TAF8: variants seen among roughly 807,000 people sequenced by gnomAD.
The protein encoded by TAF8 is transcription initiation factor TFIID subunit 8.
A neutral mutation model predicts 36.5 loss-of-function variants in TAF8; 47 were observed. The observed-to-expected ratio is 1.29, with a 90% CI of 1.02 to 1.64. The LOEUF (loss-of-function observed/expected upper bound fraction) is 1.64. Ranked by LOEUF, TAF8 falls within the 40% of genes most tolerant of loss-of-function variation. TAF8 has a pLI of 0.00. For missense variants in TAF8, 420 were observed against 407.6 expected (o/e 1.03, Z -0.26); for synonymous variants, 175 against 159.5 (o/e 1.10, Z -0.73).
rs1765933049 is a variant in TAF8, at chr6:42,081,746, A to T, written c.*4201A>T. The T allele has an allele frequency of 6.6e-6, 1 of 151,696 alleles. No individual in the cohort carries two copies. The highest frequency in any genetic ancestry group is 2.4e-5 in the African/African-American group (1 of 41,232). 9.4% of individuals were successfully genotyped at this position (151,696 alleles called of 1,614,324 possible). A position where few individuals can be genotyped will look rare whatever the true frequency, so the allele number is the denominator to read the frequency against. On this transcript the variant is annotated 3_prime_UTR_variant, in exon 9 of 9. Coordinates refer to ENST00000372977, the MANE Select transcript of TAF8 (RefSeq NM_138572.3). The stretch of plus-strand genomic sequence containing the variant: ...GGTCTCCAACTCCTGACCTCAGGTG[A>T]TCACCTGCCTCAGCCTCCTAAAGTG...
At chr6:42,087,337 T>C (rs1766045663), downstream of TAF8, 1 of 141,404 alleles carries the variant, frequency 7.1e-6, no homozygotes, top group Non-Finnish European at 1.5e-5. Flanking sequence ...ATTTACATAG[T>C]GCTTACATTT....
In TAF8 at chr6:42,081,200, T is replaced by C. The variant is rs9367128; in HGVS notation, c.*3655T>C. The C allele has an allele frequency of 2.6e-5, 4 of 154,920 alleles. No individual in the cohort carries two copies. The highest frequency in any genetic ancestry group is 4.2e-5 in the Non-Finnish European group (3 of 70,670). The allele number at this position is 154,920 out of a possible 1,614,324, so 9.6% of individuals were successfully genotyped here. On this transcript the variant is annotated 3_prime_UTR_variant, in exon 9 of 9. Coordinates refer to ENST00000372977, the MANE Select transcript of TAF8 (RefSeq NM_138572.3). ...GTGTGTGTGTGTGTGTGCGTGTGTG[T>C]GCGTGTGAGACAGAGTTTCGCGCTG...
chr6:42,059,169 G>T (rs973382142), intron 5 of TAF8, among the ~76,000 whole-genome samples: 1 of 151,918 alleles, frequency 6.6e-6, no homozygotes, highest in Admixed American at 6.6e-5. Flanking sequence ...GGATCATGAG[G>T]TCAGGAGATC....
intron 2 of TAF8, among the ~76,000 whole-genome samples, chr6:42,052,983 G>T (rs1285904638): frequency 6.6e-6 from 1 of 152,142 alleles, no homozygotes; most frequent in Non-Finnish European, 1.5e-5. Flanking sequence ...GGGCAAGGTG[G>T]CTCTCTGCAG....
At chr6:42,059,022 T>C (rs1562011891) in intron 5 of TAF8, among the ~76,000 whole-genome samples, 1 of 152,052 alleles carries the variant, frequency 6.6e-6, no homozygotes, top group Non-Finnish European at 1.5e-5. Context: ...AGCAGAGTTT[T>C]TAAGGATAAT....
At chr6:42,062,645 C>G (rs1343872887) in intron 5 of TAF8, among the ~76,000 whole-genome samples, 1 of 142,348 alleles carries the variant, frequency 7.0e-6, no homozygotes, top group Admixed American at 7.6e-5. Flanking sequence ...TCAAGTGATT[C>G]TCCTGCCTCA....
chr6:42,078,297 A>C lies in TAF8; in HGVS notation c.*752A>C. Reference sequence around the variant, plus strand: ...CTTTGAAACTCAAGAGACCAGGGAAAGTGACAGGAAGGAAAGGGCTCTTTG... The same window carrying C: ...CTTTGAAACTCAAGAGACCAGGGAACGTGACAGGAAGGAAAGGGCTCTTTG... On this transcript the variant is annotated 3_prime_UTR_variant, in exon 9 of 9. Transcript: ENST00000372977. 1 of 985,504 alleles carries C rather than the reference A, an allele frequency of 1.0e-6. No individual in the cohort carries two copies. The highest frequency in any genetic ancestry group is 1.2e-6 in the Non-Finnish European group (1 of 829,966). 61.0% of individuals were successfully genotyped at this position (985,504 alleles called of 1,614,324 possible).
chr6:42,052,321 C>T (rs908971029), intron 2 of TAF8, among the ~76,000 whole-genome samples: 2 of 150,914 alleles, frequency 1.3e-5, no homozygotes, highest in Middle Eastern at 3.4e-3. Flanking sequence ...GGAAAAGCCC[C>T]CCCCCCCTTT....
At chr6:42,053,434 G>A (rs1361030130) in intron 2 of TAF8, among the ~76,000 whole-genome samples, 3 of 151,806 alleles carry the variant, frequency 2.0e-5, no homozygotes, top group African/African-American at 4.8e-5. Flanking sequence ...ATGTGGTGGC[G>A]GGCGCCTGTA....
At chr6:42,055,083 C>T (rs567549181) in intron 2 of TAF8, among the ~76,000 whole-genome samples, 2 of 152,032 alleles carry the variant, frequency 1.3e-5, no homozygotes, top group Admixed American at 1.3e-4. Context: ...ACCACCAGGC[C>T]TGGCTAATTT....
At chr6:42,054,935 T>C (rs1350980956) in intron 2 of TAF8, among the ~76,000 whole-genome samples, 6 of 150,158 alleles carry the variant, frequency 4.0e-5, no homozygotes, top group Non-Finnish European at 3.0e-5. Flanking sequence ...TCTTTTCTTT[T>C]TTTTTTTTTT....
At position 42,057,230 on chromosome 6, in the gene TAF8, G is replaced by A. The variant is rs537539943; in HGVS notation, c.365-159G>A. Among the ~76,000 whole-genome samples, 15 of 152,348 alleles carry A rather than the reference G, an allele frequency of 9.8e-5. No homozygotes were observed. In the South Asian group the frequency reaches 1.0e-3, roughly 11 times the overall value. The stretch of plus-strand genomic sequence containing the variant: ...TAGCCAGCAGGGCTGGGCATTGTAA[G>A]CCATCAAAGACCTTTTATCGATTGA... On this transcript the variant is annotated intron_variant, in intron 4 of 8. Transcript: ENST00000372977.
intron 7 of TAF8, among the ~76,000 whole-genome samples, chr6:42,070,217 G>A (rs1043698043): frequency 2.0e-5 from 3 of 152,088 alleles, no homozygotes; most frequent in African/African-American, 7.2e-5. Flanking sequence ...GGCCGGGCGC[G>A]GTGGCTCACG....
At position 42,078,120 on chromosome 6, in the gene TAF8, A is replaced by T. The variant is rs1453367954; in HGVS notation, c.*575A>T. The T allele has an allele frequency of 4.3e-6, 3 of 700,452 alleles. No homozygotes were observed. Among genetic ancestry groups the T allele is most frequent in the Non-Finnish European group, 5.3e-6 (3 of 569,794 alleles). 43.4% of individuals were successfully genotyped at this position (700,452 alleles called of 1,614,324 possible). ...TGGCCAGGCTGGTCTTGAACTCCTG[A>T]CCTCAAGTGATAACCCGCCTCGGCC... On this transcript the variant is annotated 3_prime_UTR_variant, in exon 9 of 9. Transcript: ENST00000372977.
At chr6:42,060,778 T>G (rs1765163885) in intron 5 of TAF8, among the ~76,000 whole-genome samples, 1 of 152,224 alleles carries the variant, frequency 6.6e-6, no homozygotes, top group African/African-American at 2.4e-5. Context: ...CTGTGGCCTG[T>G]TACAAAAGAA....
chr6:42,054,937 T>C (rs1463423689), intron 2 of TAF8, among the ~76,000 whole-genome samples: 2 of 150,188 alleles, frequency 1.3e-5, no homozygotes, highest in Non-Finnish European at 3.0e-5. Flanking sequence ...TTTTCTTTTT[T>C]TTTTTTTTTG....
chr6:42,057,024 A>C (rs923625823), intron 4 of TAF8, among the ~76,000 whole-genome samples: 1 of 152,182 alleles, frequency 6.6e-6, no homozygotes, highest in Non-Finnish European at 1.5e-5. Context: ...GCTCACACTT[A>C]ATGTCCCCAG....
chr6:42,057,348 G>A, intron 4 of TAF8, 41 bp from the exon 5 acceptor site: 1 of 1,613,554 alleles, frequency 6.2e-7, no homozygotes, highest in Admixed American at 1.7e-5. Flanking sequence ...TAGAAATCAG[G>A]GTCTTGGGTG....
chr6:42,073,722 G>A (rs1765659656), intron 7 of TAF8, among the ~76,000 whole-genome samples: 1 of 152,188 alleles, frequency 6.6e-6, no homozygotes, highest in Non-Finnish European at 1.5e-5. Flanking sequence ...GCTATTTTAA[G>A]AGCTGGCTTT....
Sources: allele counts gnomAD v4.1 joint callset (sites outside exome capture counted in the v4.1 genomes callset), GRCh38; gene constraint gnomAD v4.1.1; transcripts MANE v1.5; gene names NCBI Gene and HGNC (gene_info 2026-07-23, HGNC 2026-07-21).